FHIT: variants seen among roughly 807,000 people sequenced by gnomAD.
FHIT encodes fragile histidine triad diadenosine triphosphatase, also known as bis(5'-adenosyl)-triphosphatase.
A neutral mutation model predicts 17.9 loss-of-function variants in FHIT; 19 were observed. The observed-to-expected ratio is 1.06, with a 90% CI of 0.74 to 1.56. The LOEUF (loss-of-function observed/expected upper bound fraction) is 1.56, where lower values mean the gene tolerates loss of function less well. Ranked by LOEUF, FHIT falls within the 40% of genes most tolerant of loss-of-function variation. The pLI, the probability that FHIT is intolerant of heterozygous loss-of-function variation, is 0.00. For synonymous variants in FHIT, 81 were observed against 69.7 expected (o/e 1.16, Z -0.81); for missense variants, 248 against 189.2 (o/e 1.31, Z -1.82).
chr3:61,017,180 C>T (rs1448447651), intron 3 of FHIT, among the ~76,000 whole-genome samples: 1 of 152,178 alleles, frequency 6.6e-6, no homozygotes, highest in Non-Finnish European at 1.5e-5. Flanking sequence ...ATCCCAGCTA[C>T]TTGGGAAGCT....
intron 2 of FHIT, among the ~76,000 whole-genome samples, chr3:61,043,423 G>A (rs913893943): frequency 6.6e-6 from 1 of 152,188 alleles, no homozygotes; most frequent in African/African-American, 2.4e-5. Context: ...GTGAGGCTGG[G>A]GGAGGGGCAT....
chr3:60,817,175 A>G (rs1266782026), intron 4 of FHIT, among the ~76,000 whole-genome samples: 3 of 152,204 alleles, frequency 2.0e-5, no homozygotes, highest in Admixed American at 2.0e-4. Flanking sequence ...TCTTTATGCT[A>G]TAAAGTCATA....
At chr3:60,297,228 T>G (rs1474165817) in intron 5 of FHIT, among the ~76,000 whole-genome samples, 1 of 152,098 alleles carries the variant, frequency 6.6e-6, no homozygotes, top group Non-Finnish European at 1.5e-5. Flanking sequence ...TGTATCAACT[T>G]GGGAGAACTG....
intron 5 of FHIT, among the ~76,000 whole-genome samples, chr3:60,208,149 T>A (rs899860430): frequency 2.5e-4 from 38 of 152,222 alleles, no homozygotes; most frequent in African/African-American, 8.9e-4. Flanking sequence ...ACACTTTTTC[T>A]GTGTACAAGA....
intron 5 of FHIT, among the ~76,000 whole-genome samples, chr3:60,510,378 A>G (rs940429963): frequency 2.6e-5 from 4 of 152,156 alleles, no homozygotes; most frequent in African/African-American, 9.7e-5. Context: ...GCCATGATTC[A>G]TTTTTGTTTT....
At chr3:60,008,482 A>C (rs183238689) in intron 7 of FHIT, among the ~76,000 whole-genome samples, 6 of 152,160 alleles carry the variant, frequency 3.9e-5, no homozygotes, top group Non-Finnish European at 7.4e-5. Flanking sequence ...TGAAACAAAA[A>C]AACCCTACAG....
At chr3:60,158,469 G>T (rs531874534) in intron 5 of FHIT, among the ~76,000 whole-genome samples, 1 of 152,072 alleles carries the variant, frequency 6.6e-6, no homozygotes, top group Admixed American at 6.5e-5. Flanking sequence ...CTGCCACCAG[G>T]CCTAGCTAAT....
intron 4 of FHIT, among the ~76,000 whole-genome samples, chr3:60,722,382 A>C (rs1553708264): frequency 1.3e-5 from 2 of 152,188 alleles, no homozygotes; most frequent in African/African-American, 4.8e-5. Context: ...GGCAGGCATA[A>C]AAGGTGAGGT....
At chr3:60,378,617 G>C (rs1415229433) in intron 5 of FHIT, among the ~76,000 whole-genome samples, 1 of 152,186 alleles carries the variant, frequency 6.6e-6, no homozygotes, top group Non-Finnish European at 1.5e-5. Flanking sequence ...CAAAAGTACA[G>C]AACAACCTAC....
intron 2 of FHIT, among the ~76,000 whole-genome samples, chr3:61,062,728 T>C (rs1256450325): frequency 6.6e-6 from 1 of 152,104 alleles, no homozygotes; most frequent in Non-Finnish European, 1.5e-5. Flanking sequence ...CTTGGAGCTG[T>C]ATTGGTTACC....
chr3:60,803,715 T>A (rs1405972376), intron 4 of FHIT, among the ~76,000 whole-genome samples: 1 of 152,130 alleles, frequency 6.6e-6, no homozygotes, highest in East Asian at 1.9e-4. Flanking sequence ...CTGCCCCTGG[T>A]GTCACCTTGT....
intron 4 of FHIT, among the ~76,000 whole-genome samples, chr3:60,737,841 C>T (rs1329535056): frequency 6.6e-6 from 1 of 152,156 alleles, no homozygotes; most frequent in Non-Finnish European, 1.5e-5. Flanking sequence ...TTCTCCATTT[C>T]CAGCTGGTTT....
Position 60,368,926 on chromosome 3 carries a change from T to G in FHIT, c.103+167934A>C, listed in dbSNP as rs548712622. Among the ~76,000 whole-genome samples, 3 of 152,130 alleles carry G rather than the reference T, an allele frequency of 2.0e-5. No individual in the cohort carries two copies. The East Asian group carries it at 5.8e-4, about 29-fold the overall frequency. On this transcript the variant is annotated intron_variant, in intron 5 of 9. Transcript: ENST00000492590. ...TGACCTTTTAGCATGCAGAGACTAG[T>G]TGGCTGTTAACTCCATTCAGTATAT... is the stretch of plus-strand genomic sequence containing the variant.
chr3:59,781,699 C>T (rs1702590906), intron 8 of FHIT, among the ~76,000 whole-genome samples: 1 of 152,198 alleles, frequency 6.6e-6, no homozygotes, highest in Admixed American at 6.5e-5. Context: ...ACATTAATTA[C>T]CAATGTCAGC....
intron 5 of FHIT, among the ~76,000 whole-genome samples, chr3:60,297,354 AT>A (rs1233764455): frequency 6.6e-6 from 1 of 151,976 alleles, no homozygotes; most frequent in Admixed American, 6.6e-5. Flanking sequence ...AATTCTATAC[AT>A]TTTTTGATAG....
At chr3:60,416,138 G>C (rs1051234159) in intron 5 of FHIT, among the ~76,000 whole-genome samples, 2 of 151,562 alleles carry the variant, frequency 1.3e-5, no homozygotes, top group Non-Finnish European at 2.9e-5. Flanking sequence ...AATCTAATCA[G>C]AATTTTGAAA....
At chr3:60,842,169 C>A (rs2106867665) in intron 3 of FHIT, among the ~76,000 whole-genome samples, 1 of 152,190 alleles carries the variant, frequency 6.6e-6, no homozygotes, top group African/African-American at 2.4e-5. Flanking sequence ...ACGGATAACC[C>A]TACAGTTGAG....
At chr3:61,074,576 TAAC>T (rs2034913700) in intron 2 of FHIT, among the ~76,000 whole-genome samples, 1 of 152,168 alleles carries the variant, frequency 6.6e-6, no homozygotes, top group Admixed American at 6.6e-5. Context: ...TCCTACAAGA[TAAC>T]AAATGGCTGG....
At chr3:60,757,238 C>A (rs1292285965) in intron 4 of FHIT, among the ~76,000 whole-genome samples, 2 of 152,100 alleles carry the variant, frequency 1.3e-5, no homozygotes, top group Non-Finnish European at 2.9e-5. Flanking sequence ...AAATAATGTT[C>A]CTTTACTCAA....
Sources: allele counts gnomAD v4.1 joint callset (sites outside exome capture counted in the v4.1 genomes callset), GRCh38; gene constraint gnomAD v4.1.1; transcripts MANE v1.5; gene names NCBI Gene and HGNC (gene_info 2026-07-23, HGNC 2026-07-21).